Variants in AGK observed in about 807,000 individuals in gnomAD.
AGK encodes acylglycerol kinase, mitochondrial.
AGK carries 52 observed loss-of-function variants against 66.4 expected under a neutral mutation model. That is an observed-to-expected ratio of 0.78 (90% CI 0.63 to 0.99). The LOEUF (loss-of-function observed/expected upper bound fraction) is 0.99. Ranked by LOEUF, AGK falls within the 50% of genes least tolerant of loss-of-function variation. The pLI is 0.00. For missense variants in AGK, 451 were observed against 506.6 expected (o/e 0.89, Z 1.05); for synonymous variants, 182 against 181.1 (o/e 1.00, Z -0.04).
Position 141,570,212 on chromosome 7 carries a change from C to T in AGK, c.101+14645C>T, listed in dbSNP as rs186778115. 4.6e-5 allele frequency among the ~76,000 whole-genome samples: 7 copies of T among 152,094 alleles called. No individual in the cohort carries two copies. The East Asian group carries it at 5.8e-4, about 13-fold the overall frequency. ...ACCAGCCTGGCCAACATAAGGAAGC[C>T]GCGTCTCTACTAAAAATACAACAAA... On this transcript the variant is annotated intron_variant, in intron 2 of 15. Transcript: ENST00000649286.
At chr7:141,625,907 CTGCA>C (rs1796928729) in intron 9 of AGK, among the ~76,000 whole-genome samples, 1 of 152,128 alleles carries the variant, frequency 6.6e-6, no homozygotes, top group Non-Finnish European at 1.5e-5. Context: ...TCGTACTTTC[CTGCA>C]TGCTAGGTGG....
chr7:141,593,329 G>A (rs1463711866), intron 3 of AGK, 144 bp downstream of exon 3: 2 of 767,560 alleles, frequency 2.6e-6, no homozygotes, highest in South Asian at 1.4e-5. Context: ...ATCACGCTGG[G>A]AGCCAACTCT....
intron 5 of AGK, among the ~76,000 whole-genome samples, chr7:141,610,230 G>A (rs1796556012): frequency 6.6e-6 from 1 of 152,080 alleles, no homozygotes; most frequent in Admixed American, 6.5e-5. Flanking sequence ...GCCTCCCAAA[G>A]TGCTGGGATT....
At chr7:141,651,821 C>T (rs954935507) in intron 15 of AGK, among the ~76,000 whole-genome samples, 4 of 152,216 alleles carry the variant, frequency 2.6e-5, no homozygotes, top group African/African-American at 4.8e-5. Context: ...AGTTGGACTT[C>T]TGAAGACTCC....
chr7:141,651,880 T>C (rs1407121445), intron 15 of AGK, among the ~76,000 whole-genome samples: 1 of 152,222 alleles, frequency 6.6e-6, no homozygotes, highest in Non-Finnish European at 1.5e-5. Flanking sequence ...TTAGGTCTCC[T>C]TTTATTTTTC....
intron 13 of AGK, among the ~76,000 whole-genome samples, chr7:141,642,602 T>C (rs1206845247): frequency 6.6e-6 from 1 of 152,136 alleles, no homozygotes; most frequent in Non-Finnish European, 1.5e-5. Flanking sequence ...CCCAAAAGTA[T>C]TGAAATAAAG....
chr7:141,610,374 G>T (rs1025299825), intron 5 of AGK, among the ~76,000 whole-genome samples: 11 of 152,132 alleles, frequency 7.2e-5, no homozygotes, highest in African/African-American at 2.4e-4. Flanking sequence ...GTTGGAGGGA[G>T]TGTTTCCTAT....
chr7:141,568,562 ATTTC>A (rs1248162019), intron 2 of AGK, among the ~76,000 whole-genome samples: 127 of 144,342 alleles, frequency 8.8e-4, no homozygotes, highest in South Asian at 4.0e-3. Flanking sequence ...GGGCCATCCC[ATTTC>A]TTTCTTTCTT....
chr7:141,558,936 T>G (rs572867199), intron 2 of AGK, among the ~76,000 whole-genome samples: 1 of 152,338 alleles, frequency 6.6e-6, no homozygotes, highest in East Asian at 1.9e-4. Context: ...TGGAGAAATG[T>G]CTGTTCAAGT....
chr7:141,556,553 A>AT (rs1485845140), intron 2 of AGK, among the ~76,000 whole-genome samples: 3 of 151,894 alleles, frequency 2.0e-5, no homozygotes, highest in Non-Finnish European at 4.4e-5. Context: ...AAAAAAAAAA[A>AT]AAAATAAAGA....
chr7:141,620,697 AAGG>A (rs2116973368), intron 8 of AGK, among the ~76,000 whole-genome samples: 1 of 152,346 alleles, frequency 6.6e-6, no homozygotes, highest in East Asian at 1.9e-4. Flanking sequence ...ATCCAGTCAT[AAGG>A]AGTCCCCCAC....
At chr7:141,605,937 C>T (rs1341338053) in intron 5 of AGK, among the ~76,000 whole-genome samples, 1 of 152,072 alleles carries the variant, frequency 6.6e-6, no homozygotes, top group African/African-American at 2.4e-5. Context: ...ATCTGTTTCC[C>T]AAGAGTTTTT....
chr7:141,621,298 A>G (rs893634235), intron 8 of AGK, among the ~76,000 whole-genome samples: 1 of 152,226 alleles, frequency 6.6e-6, no homozygotes, highest in African/African-American at 2.4e-5. Context: ...GTTCTGGATT[A>G]TATTTTGCTA....
At chr7:141,625,863 G>T (rs1341725299) in intron 9 of AGK, among the ~76,000 whole-genome samples, 1 of 151,960 alleles carries the variant, frequency 6.6e-6, no homozygotes, top group African/African-American at 2.4e-5. Flanking sequence ...AGATTATCTG[G>T]CTTTTTCTCA....
At chr7:141,633,436 C>T (rs945626832) in intron 9 of AGK, among the ~76,000 whole-genome samples, 34 of 152,208 alleles carry the variant, frequency 2.2e-4, no homozygotes, top group African/African-American at 7.2e-4. Context: ...TTTTGTAACA[C>T]GTATTTGACT....
intron 13 of AGK, among the ~76,000 whole-genome samples, chr7:141,644,827 G>A (rs906569447): frequency 2.6e-5 from 4 of 151,950 alleles, no homozygotes; most frequent in African/African-American, 9.7e-5. Flanking sequence ...TTGTCCAAGC[G>A]CCATTTATTG....
intron 9 of AGK, among the ~76,000 whole-genome samples, chr7:141,632,637 G>C (rs1337536193): frequency 6.6e-6 from 1 of 152,166 alleles, no homozygotes; most frequent in Non-Finnish European, 1.5e-5. Context: ...TCAAAGCCCT[G>C]TTATCTTACA....
chr7:141,630,521 G>A (rs1445110861), intron 9 of AGK, among the ~76,000 whole-genome samples: 1 of 151,952 alleles, frequency 6.6e-6, no homozygotes, highest in Non-Finnish European at 1.5e-5. Context: ...ACATATACAA[G>A]TGTGATTTAT....
chr7:141,650,485 A>G, intron 14 of AGK: 1 of 985,322 alleles, frequency 1.0e-6, no homozygotes, highest in Non-Finnish European at 1.2e-6. Flanking sequence ...AGTGAAATCA[A>G]GTAATGTCTG....
Sources: allele counts gnomAD v4.1 joint callset (sites outside exome capture counted in the v4.1 genomes callset), GRCh38; gene constraint gnomAD v4.1.1; transcripts MANE v1.5; gene names NCBI Gene and HGNC (gene_info 2026-07-23, HGNC 2026-07-21).